Variants in QSER1 observed in about 807,000 individuals in gnomAD.
QSER1 encodes glutamine and serine-rich protein 1.
Under a neutral mutation model 158.5 loss-of-function variants are expected in QSER1, and 49 were observed. The observed-to-expected ratio is 0.31, with a 90% CI of 0.25 to 0.39. The LOEUF is 0.39. QSER1 is among the 10% of genes least tolerant of loss of function. The pLI is 1.00. For synonymous variants in QSER1, 650 were observed against 715.5 expected (o/e 0.91, Z 1.46); for missense variants, 1,754 against 2,010.3 (o/e 0.87, Z 2.44).
chr11:32,942,865 G>A (rs1677130884), intron 4 of QSER1, among the ~76,000 whole-genome samples: 1 of 152,156 alleles, frequency 6.6e-6, no homozygotes, highest in Non-Finnish European at 1.5e-5. Context: ...CTACCCATGA[G>A]CATGGAATGT....
At chr11:32,924,579 A>G (rs1436259357) in intron 1 of QSER1, among the ~76,000 whole-genome samples, 3 of 150,062 alleles carry the variant, frequency 2.0e-5, no homozygotes, top group African/African-American at 4.9e-5. Flanking sequence ...AAAAAAAAAA[A>G]GGAATAAATA....
chr11:32,978,652 C>T lies in QSER1; in HGVS notation c.*2178C>T, dbSNP rs1241454969. On this transcript the variant is annotated 3_prime_UTR_variant, in exon 13 of 13. Coordinates refer to ENST00000650167, the MANE Select transcript of QSER1 (RefSeq NM_001076786.3). ...CATTTCCTTTGGCACTGCAGTTGCC[C>T]TCAAACTGCTTGCAGTTGTATTCAT... 6.6e-6 allele frequency: 1 copy of T among 152,120 alleles called. No individual in the cohort carries two copies. Among genetic ancestry groups the T allele is most frequent in the East Asian group, 1.9e-4 (1 of 5,194 alleles). The allele number at this position is 152,120 out of a possible 1,614,324, so 9.4% of individuals were successfully genotyped here.
chr11:32,925,129 T>C (rs1434076646), intron 1 of QSER1, among the ~76,000 whole-genome samples: 2 of 152,224 alleles, frequency 1.3e-5, no homozygotes, highest in Admixed American at 1.3e-4. Context: ...CAGTCAACCG[T>C]TGATGGGCAC....
chr11:32,963,126 ACTT>A (rs1852657538), intron 8 of QSER1, among the ~76,000 whole-genome samples: 1 of 152,198 alleles, frequency 6.6e-6, no homozygotes, highest in Non-Finnish European at 1.5e-5. Flanking sequence ...ATTAATAATT[ACTT>A]CTTCGTCAAG....
rs188463556 is a variant in QSER1, at chr11:32,915,973, A to C, written c.210-11184A>C. The stretch of plus-strand genomic sequence containing the variant: ...ACTCTTGTTGCCTAGGCTGGAGTGC[A>C]ATGGTGTGATCTCCAACTCCTGGGT... On this transcript the variant is annotated intron_variant, in intron 1 of 12. Coordinates refer to ENST00000650167, the MANE Select transcript of QSER1 (RefSeq NM_001076786.3). Among the ~76,000 whole-genome samples, 162 of 151,280 alleles carry C rather than the reference A, an allele frequency of 1.1e-3. 1 individual carries two copies. Among genetic ancestry groups the C allele is most frequent in the Non-Finnish European group, 1.7e-3 (118 of 67,880 alleles).
At position 32,932,550 on chromosome 11, in the gene QSER1, C is replaced by G; in HGVS notation, c.1292C>G (p.Pro431Arg). ...ACCCCTAAACCTCAAAGTATAATTC[C>G]TCCTGTGCAAACACTAAGCTATTCC... is the stretch of plus-strand genomic sequence containing the variant. ...TKTPKPQSII[P>R]PVQTLSYSKP... is the part of the protein sequence containing the mutation. Residue 431 changes from proline (P) to arginine (R), a missense_variant, in exon 4 of 13, where the codon CCT (proline) becomes CGT (arginine). Pro to Arg is a moderately radical substitution (Grantham distance 103). Coordinates refer to ENST00000650167, the MANE Select transcript of QSER1 (RefSeq NM_001076786.3). The G allele has an allele frequency of 6.2e-7, 1 of 1,614,132 alleles. No individual in the cohort carries two copies. The highest frequency in any genetic ancestry group is 8.5e-7 in the Non-Finnish European group (1 of 1,180,000).
chr11:32,913,364 G>T (rs1380596922), intron 1 of QSER1, among the ~76,000 whole-genome samples: 1 of 151,278 alleles, frequency 6.6e-6, no homozygotes, highest in African/African-American at 2.4e-5. Context: ...CTAATTTTTT[G>T]TATTTATTTT....
At chr11:32,948,646 A>G (rs994302381) in intron 4 of QSER1, among the ~76,000 whole-genome samples, 3 of 152,176 alleles carry the variant, frequency 2.0e-5, no homozygotes, top group Non-Finnish European at 1.5e-5. Context: ...AACAAAACAA[A>G]ACTATTCTTT....
intron 9 of QSER1, among the ~76,000 whole-genome samples, chr11:32,966,804 A>G (rs1369808844): frequency 6.6e-6 from 1 of 152,246 alleles, no homozygotes; most frequent in African/African-American, 2.4e-5. Context: ...TGGCATAAAG[A>G]TTAAAATCAT....
At chr11:32,943,871 CTT>C (rs1178331317) in intron 4 of QSER1, among the ~76,000 whole-genome samples, 1 of 151,824 alleles carries the variant, frequency 6.6e-6, no homozygotes, top group Non-Finnish European at 1.5e-5. Context: ...GTCCTGGACT[CTT>C]TTTGGTTGGT....
At chr11:32,917,042 C>T (rs1048421068) in intron 1 of QSER1, among the ~76,000 whole-genome samples, 3 of 152,312 alleles carry the variant, frequency 2.0e-5, no homozygotes, top group Non-Finnish European at 2.9e-5. Flanking sequence ...CCACCTCGGC[C>T]TCCCGCAGTG....
chr11:32,931,243 G>A (rs1852040891), intron 3 of QSER1, among the ~76,000 whole-genome samples: 1 of 152,022 alleles, frequency 6.6e-6, no homozygotes, highest in Non-Finnish European at 1.5e-5. Context: ...AACAATTACA[G>A]ATATGAATTG....
At chr11:32,966,640 T>G (rs1465410534) in intron 9 of QSER1, among the ~76,000 whole-genome samples, 1 of 152,224 alleles carries the variant, frequency 6.6e-6, no homozygotes, top group Non-Finnish European at 1.5e-5. Context: ...TGCTTTCTAC[T>G]CATGGGAAAA....
intron 9 of QSER1, among the ~76,000 whole-genome samples, chr11:32,967,576 T>A (rs1174612850): frequency 1.3e-5 from 2 of 152,250 alleles, no homozygotes; most frequent in Admixed American, 1.3e-4. Context: ...TCTGTCATTG[T>A]CAAAAATGTC....
Position 32,966,435 on chromosome 11 carries a change from A to G in QSER1, c.5105A>G (p.Asn1702Ser), listed in dbSNP as rs1013182960. 1.9e-6 allele frequency: 3 copies of G among 1,612,582 alleles called. No homozygotes were observed. The highest frequency in any genetic ancestry group is 1.7e-6 in the Non-Finnish European group (2 of 1,179,450). ...ACAATGCAAGCCTTAGAGAAGAGCA[A>G]TGGTACAGTCTTCTAAGTAGTACTT... is the stretch of plus-strand genomic sequence containing the variant. ...PDTMQALEKS[N>S]DELLLPHMKK... The change falls in exon 9 of 13, where the codon AAT becomes AGT. Residue 1702 changes from asparagine to serine, a missense_variant and splice_region_variant. By Grantham distance (46) the Asn-to-Ser change is conservative (BLOSUM62 1). This residue lies in a region of QSER1 where 1,707 missense variants were observed against 1,919.6 expected (regional missense o/e 0.89). Coordinates refer to ENST00000650167, the MANE Select transcript of QSER1 (RefSeq NM_001076786.3).
chr11:32,912,201 A>G (rs939793969), intron 1 of QSER1, among the ~76,000 whole-genome samples: 5 of 152,144 alleles, frequency 3.3e-5, no homozygotes, highest in Non-Finnish European at 5.9e-5. Flanking sequence ...TTCTCACAAC[A>G]TGTCTCTTTA....
chr11:32,946,086 G>A (rs1460889440), intron 4 of QSER1, among the ~76,000 whole-genome samples: 97 of 152,044 alleles, frequency 6.4e-4, no homozygotes, highest in African/African-American at 1.9e-3. Context: ...TTTCAGCTCC[G>A]TCAGCTCCTT....
At chr11:32,924,116 T>A (rs990622857) in intron 1 of QSER1, among the ~76,000 whole-genome samples, 2 of 152,112 alleles carry the variant, frequency 1.3e-5, no homozygotes, top group Non-Finnish European at 2.9e-5. Flanking sequence ...CCTAAACATA[T>A]AAGCAAAAAC....
Position 32,966,452 on chromosome 11 carries a change from G to A in QSER1, c.5107+15G>A. 1.2e-6 allele frequency: 2 copies of A among 1,602,762 alleles called. No individual in the cohort carries two copies. Among genetic ancestry groups the A allele is most frequent in the Non-Finnish European group, 1.7e-6 (2 of 1,176,652 alleles). ...GAAGAGCAATGGTACAGTCTTCTAA[G>A]TAGTACTTCCTTGGTAGTACTTCCT... On this transcript the variant is annotated intron_variant, in intron 9 of 12. Transcript: ENST00000650167.
Sources: gnomAD v4.1 joint callset for allele counts (sites outside exome capture counted in the v4.1 genomes callset) on GRCh38, gnomAD v4.1.1 for gene constraint, gnomAD v4.1.1 regional missense constraint, MANE v1.5 for transcripts, NCBI Gene and HGNC (gene_info 2026-07-23, HGNC 2026-07-21) for gene names.